Variants in PGM1 observed in about 807,000 individuals in gnomAD.
PGM1 encodes phosphoglucomutase 1, also known as phosphoglucomutase-1.
A neutral mutation model predicts 55.6 loss-of-function variants in PGM1; 52 were observed. The observed-to-expected ratio is 0.94, with a 90% CI of 0.75 to 1.18. PGM1 has a LOEUF of 1.18. Among genes scored for constraint, PGM1 ranks in the 50% most tolerant of loss-of-function variants. The pLI, the probability that PGM1 is intolerant of heterozygous loss-of-function variation, is 0.00. For missense variants in PGM1, 724 were observed against 729.3 expected, an observed-to-expected ratio of 0.99 and a Z score of 0.08; for synonymous variants, 287 against 271.7, an observed-to-expected ratio of 1.06 and a Z score of -0.55.
chr1:63,623,372 T>A, intron 1 of PGM1: 1 of 1,533,634 alleles, frequency 6.5e-7, no homozygotes, highest in South Asian at 1.3e-5. Context: ...CATACGACAC[T>A]GTTGCAGCTT....
intron 1 of PGM1, among the ~76,000 whole-genome samples, chr1:63,601,675 G>T (rs1223519322): frequency 6.6e-6 from 1 of 152,144 alleles, no homozygotes; most frequent in East Asian, 1.9e-4. Context: ...TCCTCAAAGG[G>T]GAAAGAAATC....
chr1:63,650,690 C>CA (rs1290905757), intron 8 of PGM1, among the ~76,000 whole-genome samples: 1 of 152,114 alleles, frequency 6.6e-6, no homozygotes, highest in Non-Finnish European at 1.5e-5. Flanking sequence ...GCCACTAGGT[C>CA]AAGAAAAGCC....
At chr1:63,657,052 C>T (rs577275838) in intron 10 of PGM1, among the ~76,000 whole-genome samples, 51 of 152,294 alleles carry the variant, frequency 3.3e-4, no homozygotes, top group African/African-American at 1.2e-3. Flanking sequence ...GTAATCAGTT[C>T]ACTATGTATT....
intron 1 of PGM1, among the ~76,000 whole-genome samples, chr1:63,611,561 T>C (rs1648565902): frequency 6.6e-6 from 1 of 152,104 alleles, no homozygotes; most frequent in Non-Finnish European, 1.5e-5. Flanking sequence ...GGAATTCTCT[T>C]ATGGCCCTGA....
intron 1 of PGM1, among the ~76,000 whole-genome samples, chr1:63,604,391 C>G (rs1355747109): frequency 6.6e-6 from 1 of 152,038 alleles, no homozygotes; most frequent in Non-Finnish European, 1.5e-5. Flanking sequence ...AGGTGTTGCC[C>G]TTGCCCATCT....
chr1:63,633,918 G>GTGTGTGTA (rs1407304546), intron 4 of PGM1, among the ~76,000 whole-genome samples: 8 of 26,752 alleles, frequency 3.0e-4, no homozygotes, highest in African/African-American at 3.6e-4. Flanking sequence ...GTGTGTGTGT[G>GTGTGTGTA]TATATATATA....
At chr1:63,646,278 C>A (rs1649642932) in intron 7 of PGM1, among the ~76,000 whole-genome samples, 1 of 152,090 alleles carries the variant, frequency 6.6e-6, no homozygotes, top group African/African-American at 2.4e-5. Flanking sequence ...GTGTACAGTT[C>A]TATTCAGAAA....
Position 63,593,588 on chromosome 1 carries a change from A to C in PGM1, c.100A>C (p.Asn34His). 6.2e-7 allele frequency: 1 copy of C among 1,613,690 alleles called. No homozygotes were observed. Among genetic ancestry groups the C allele is most frequent in the Non-Finnish European group, 8.5e-7 (1 of 1,179,910 alleles). ...GGTGAAGGTGTTCCAGAGCAGCGCC[A>C]ACTACGCGGAGAACTTCATCCAGAG... ...KRVKVFQSSA[N>H]YAENFIQSII... Residue 34 changes from asparagine to histidine, a missense_variant, in exon 1 of 11, where the codon AAC becomes CAC. Physicochemically the swap from Asn to His is moderately conservative, Grantham distance 68 (BLOSUM62 1). Coordinates refer to ENST00000371084, the MANE Select transcript of PGM1 (RefSeq NM_002633.3).
intron 1 of PGM1, 38 bp from the exon 2 acceptor site, chr1:63,629,387 T>A: frequency 6.3e-7 from 1 of 1,585,380 alleles, no homozygotes; most frequent in South Asian, 1.1e-5. Flanking sequence ...TCTGGATGTA[T>A]TGATGTTAAA....
chr1:63,606,466 C>T (rs1024252921), intron 1 of PGM1, among the ~76,000 whole-genome samples: 1 of 152,178 alleles, frequency 6.6e-6, no homozygotes, highest in African/African-American at 2.4e-5. Context: ...TGTTGTGCAG[C>T]CTTCCCTGGA....
chr1:63,621,230 G>A (rs2301059), intron 1 of PGM1, among the ~76,000 whole-genome samples: 20,439 of 151,904 alleles, frequency 0.13, 2,424 homozygotes, highest in African/African-American at 0.32. Flanking sequence ...TGTTGCTCTC[G>A]TAATTCTGCC....
intron 10 of PGM1, among the ~76,000 whole-genome samples, chr1:63,659,368 T>TA (rs1650054773): frequency 6.6e-6 from 1 of 152,330 alleles, no homozygotes; most frequent in African/African-American, 2.4e-5. Context: ...GAGCAACTCC[T>TA]AGTTGTTCAC....
At chr1:63,624,783 A>G (rs1488074892) in intron 1 of PGM1, among the ~76,000 whole-genome samples, 1 of 152,202 alleles carries the variant, frequency 6.6e-6, no homozygotes, top group Non-Finnish European at 1.5e-5. Flanking sequence ...CTGAGCAGGT[A>G]TGTTTGCAGA....
In PGM1 at chr1:63,628,179, C is replaced by T. The variant is rs143002686; in HGVS notation, c.247-1246C>T. Among the ~76,000 whole-genome samples, 11 of 152,290 alleles carry T rather than the reference C, an allele frequency of 7.2e-5. No homozygotes were observed. The East Asian group carries it at 1.7e-3, about 24-fold the overall frequency. ...CACTCTGTAGCTCAGTAACAATCATCGGTTTTGATTTCACACTATCTGCAG... is the reference window on the plus strand; with the variant it reads ...CACTCTGTAGCTCAGTAACAATCATTGGTTTTGATTTCACACTATCTGCAG... On this transcript the variant is annotated intron_variant, in intron 1 of 10. Transcript: ENST00000371084.
intron 7 of PGM1, 128 bp from the exon 8 acceptor site, chr1:63,648,389 C>A: frequency 1.0e-6 from 1 of 958,880 alleles, no homozygotes; most frequent in Non-Finnish European, 1.6e-6. Context: ...ATGATCCAAT[C>A]ACTTCCCATC....
intron 8 of PGM1, chr1:63,651,312 C>G (rs1649800601): frequency 3.7e-6 from 1 of 273,724 alleles, no homozygotes; most frequent in Non-Finnish European, 7.1e-6. Flanking sequence ...GAGAGTTCTC[C>G]AGAGATAACA....
intron 1 of PGM1, among the ~76,000 whole-genome samples, chr1:63,598,277 C>T (rs986405062): frequency 5.9e-5 from 9 of 152,160 alleles, no homozygotes; most frequent in Non-Finnish European, 1.0e-4. Context: ...TCGTGCCGGG[C>T]AGAGTATTTT....
At chr1:63,594,000 A>C in intron 1 of PGM1, 1 of 1,151,128 alleles carries the variant, frequency 8.7e-7, no homozygotes. Flanking sequence ...GAGCCTCCCA[A>C]GGTCACGCCC....
At chr1:63,629,612 C>A in intron 2 of PGM1, 25 bp downstream of exon 2, 1 of 1,608,376 alleles carries the variant, frequency 6.2e-7, no homozygotes, top group Non-Finnish European at 8.5e-7. Flanking sequence ...ATTTTGAGGA[C>A]AGGTAAGTTT....
Sources: allele counts gnomAD v4.1 joint callset (sites outside exome capture counted in the v4.1 genomes callset), GRCh38; gene constraint gnomAD v4.1.1; transcripts MANE v1.5; gene names NCBI Gene and HGNC (gene_info 2026-07-23, HGNC 2026-07-21).